Variants in IL20RB observed in about 807,000 individuals in gnomAD.
IL20RB encodes interleukin 20 receptor subunit beta.
In IL20RB, 21 loss-of-function variants were observed where a neutral mutation model predicts 33.3. The observed-to-expected ratio is 0.63, with a 90% confidence interval of 0.45 to 0.91. The LOEUF (loss-of-function observed/expected upper bound fraction) is 0.91. Ranked by LOEUF, IL20RB falls within the 40% of genes least tolerant of loss-of-function variation. The pLI is 0.00. For synonymous variants in IL20RB, 147 were observed against 146.8 expected (o/e 1.00, Z -0.01); for missense variants, 345 against 384.8 (o/e 0.90, Z 0.86).
At chr3:136,982,694 T>TC (rs3054124) in intron 3 of IL20RB, among the ~76,000 whole-genome samples, 88,740 of 151,590 alleles carry the variant, frequency 0.59, 26,565 homozygotes, top group East Asian at 0.9. Flanking sequence ...CCTCCATAAA[T>TC]TGTGCCTCCC....
At chr3:136,980,441 G>C (rs1288147479) in intron 1 of IL20RB, 25 bp from the exon 2 acceptor site, 1 of 1,614,048 alleles carries the variant, frequency 6.2e-7, no homozygotes, top group African/African-American at 1.3e-5. Context: ...CCACCTGTCA[G>C]CCAGGCTATC....
intron 1 of IL20RB, among the ~76,000 whole-genome samples, chr3:136,969,686 C>A (rs976095091): frequency 6.6e-6 from 1 of 152,192 alleles, no homozygotes; most frequent in Non-Finnish European, 1.5e-5. Flanking sequence ...AGCTGTAGAC[C>A]GGAGCTGTTC....
chr3:137,010,555 A>G lies in IL20RB; in HGVS notation c.*332A>G, dbSNP rs1933069647. ...ACACCTGCTAAACACACACACACAG[A>G]GTCTCTCTCTATATATACACACGTA... On this transcript the variant is annotated 3_prime_UTR_variant, in exon 7 of 7. Coordinates refer to ENST00000329582, the MANE Select transcript of IL20RB (RefSeq NM_144717.4). 2 of 236,980 alleles carry G rather than the reference A, an allele frequency of 8.4e-6. No homozygotes were observed. Among genetic ancestry groups the G allele is most frequent in the South Asian group, 8.2e-5 (1 of 12,154 alleles). The allele number at this position is 236,980 out of a possible 1,614,324, so 14.7% of individuals were successfully genotyped here.
At chr3:136,975,347 T>C (rs1327718325) in intron 1 of IL20RB, among the ~76,000 whole-genome samples, 6 of 152,152 alleles carry the variant, frequency 3.9e-5, no homozygotes, top group Admixed American at 3.9e-4. Flanking sequence ...TTTATTTTTA[T>C]TTATTTTTTT....
At chr3:136,971,219 C>T (rs1217244670) in intron 1 of IL20RB, among the ~76,000 whole-genome samples, 1 of 152,096 alleles carries the variant, frequency 6.6e-6, no homozygotes, top group Non-Finnish European at 1.5e-5. Flanking sequence ...CAACCTCTGC[C>T]TCCCAGGTTC....
At chr3:136,979,648 ACTGTGT>A (rs1396793813) in intron 1 of IL20RB, among the ~76,000 whole-genome samples, 2 of 119,034 alleles carry the variant, frequency 1.7e-5, no homozygotes, top group South Asian at 2.5e-4. Context: ...CTCTGGGCAC[ACTGTGT>A]CTGGGTACAC....
intron 5 of IL20RB, among the ~76,000 whole-genome samples, chr3:136,994,494 A>C (rs752492154): frequency 6.6e-6 from 1 of 152,210 alleles, no homozygotes; most frequent in Non-Finnish European, 1.5e-5. Flanking sequence ...CATACCACCA[A>C]AATATTTTCC....
At position 137,000,144 on chromosome 3, in the gene IL20RB, GT is replaced by G. The variant is rs535557172; in HGVS notation, c.825+4591del. ...CCTCTGAAAACTATTGATTTTTTTTGTTTGTTTATTTGCTTTAGTAAGCAGT... is the reference window on the plus strand; with the variant it reads ...CCTCTGAAAACTATTGATTTTTTTTGTTGTTTATTTGCTTTAGTAAGCAGT... On this transcript the variant is annotated intron_variant, in intron 6 of 6. Transcript: ENST00000329582. 1.5e-3 allele frequency among the ~76,000 whole-genome samples: 225 copies of G among 152,026 alleles called. 1 individual carries two copies. The highest frequency in any genetic ancestry group is 5.3e-3 in the African/African-American group (221 of 41,494).
At chr3:136,987,825 G>A (rs1941944753) in intron 3 of IL20RB, among the ~76,000 whole-genome samples, 1 of 152,212 alleles carries the variant, frequency 6.6e-6, no homozygotes, top group Non-Finnish European at 1.5e-5. Flanking sequence ...GCAGCCGCTG[G>A]CCCGGGTGCT....
rs1185248767 is a variant in IL20RB, at chr3:136,980,597, GT to G, written c.215+11del. 2 of 1,614,110 alleles carry G rather than the reference GT, an allele frequency of 1.2e-6. No individual in the cohort carries two copies. The highest frequency in any genetic ancestry group is 8.5e-7 in the Non-Finnish European group (1 of 1,180,002). On this transcript the variant is annotated splice_donor_region_variant and intron_variant, in intron 2 of 6. Coordinates refer to ENST00000329582, the MANE Select transcript of IL20RB (RefSeq NM_144717.4). ...CTATTCTGTCGAATACCAGGGGTGA[GT>G]TTTTTCTTTTAATAGTTCTTCTCCC...
Position 136,967,428 on chromosome 3 carries a change from T to C in IL20RB, c.88+9227T>C, listed in dbSNP as rs1461421612. Among the ~76,000 whole-genome samples, 5 of 56,364 alleles carry C rather than the reference T, an allele frequency of 8.9e-5. No individual in the cohort carries two copies. The East Asian group carries it at 2.8e-3, about 31-fold the overall frequency. 37.0% of individuals were successfully genotyped at this position (56,364 alleles called of 152,430 possible). A position where few individuals can be genotyped will look rare whatever the true frequency, so the allele number is the denominator to read the frequency against. ...AGGATAGTTAGCTCCTCTTGTTGAA[T>C]TGATCCCTTTACCATTATGTAATGG... On this transcript the variant is annotated intron_variant, in intron 1 of 6. Coordinates refer to ENST00000329582, the MANE Select transcript of IL20RB (RefSeq NM_144717.4).
Position 136,958,893 on chromosome 3 carries a change from A to G in IL20RB, c.88+692A>G, listed in dbSNP as rs111388242. 2.9e-3 allele frequency among the ~76,000 whole-genome samples: 432 copies of G among 151,500 alleles called. 2 individuals carry two copies. The highest frequency in any genetic ancestry group is 5.2e-3 in the Non-Finnish European group (351 of 67,922). ...AGACACTAGGCACTTTGCAGTGTTGATGGGAGCCTTGAGTACTTTCTCTCT... is the reference window on the plus strand; with the variant it reads ...AGACACTAGGCACTTTGCAGTGTTGGTGGGAGCCTTGAGTACTTTCTCTCT... On this transcript the variant is annotated intron_variant, in intron 1 of 6. Coordinates refer to ENST00000329582, the MANE Select transcript of IL20RB (RefSeq NM_144717.4).
intron 3 of IL20RB, among the ~76,000 whole-genome samples, chr3:136,983,232 C>T (rs577940627): frequency 6.6e-6 from 1 of 152,200 alleles, no homozygotes; most frequent in East Asian, 1.9e-4. Context: ...GGACTACAGG[C>T]GTGCACCACC....
chr3:136,958,497 T>C (rs6762370), intron 1 of IL20RB, among the ~76,000 whole-genome samples: 1,953 of 152,356 alleles, frequency 0.013, 33 homozygotes, highest in African/African-American at 0.044. Flanking sequence ...TCTGGTTTTA[T>C]ATAGTGCAAT....
intron 1 of IL20RB, among the ~76,000 whole-genome samples, chr3:136,975,887 G>A (rs1941605796): frequency 6.6e-6 from 1 of 152,202 alleles, no homozygotes; most frequent in Non-Finnish European, 1.5e-5. Context: ...CACATGGCTT[G>A]CTTGGATGCT....
At chr3:136,963,611 G>A (rs1040894700) in intron 1 of IL20RB, among the ~76,000 whole-genome samples, 48 of 150,344 alleles carry the variant, frequency 3.2e-4, no homozygotes, top group African/African-American at 1.2e-3. Context: ...CCTATTTTTA[G>A]ATTGGATTGT....
At position 136,992,183 on chromosome 3, in the gene IL20RB, T is replaced by C. The variant is rs888378871; in HGVS notation, c.682+95T>C. The C allele has an allele frequency of 6.0e-6, 8 of 1,342,680 alleles. No individual in the cohort carries two copies. The Admixed American group carries it at 1.9e-4, about 32-fold the overall frequency. The allele number at this position is 1,342,680 out of a possible 1,614,324, so 83.2% of individuals were successfully genotyped here. On this transcript the variant is annotated intron_variant, in intron 5 of 6. Coordinates refer to ENST00000329582, the MANE Select transcript of IL20RB (RefSeq NM_144717.4). ...TGCTGGGTTCCTTTGGTTCTGAGTTTTTCCTTGATTTCACTGACCTCCCTC... is the reference window on the plus strand; with the variant it reads ...TGCTGGGTTCCTTTGGTTCTGAGTTCTTCCTTGATTTCACTGACCTCCCTC...
rs143982903 is a variant in IL20RB, at chr3:137,009,220, G to A, written c.826-893G>A. Among the ~76,000 whole-genome samples, 18 of 152,296 alleles carry A rather than the reference G, an allele frequency of 1.2e-4. No homozygotes were observed. The East Asian group carries it at 3.5e-3, about 29-fold the overall frequency. ...CATTGTGCCTATTTGTGCCCAGATG[G>A]TACCCTTGGGAGTGATGAGGAGAAG... On this transcript the variant is annotated intron_variant, in intron 6 of 6. Transcript: ENST00000329582.
intron 6 of IL20RB, 52 bp from the exon 7 acceptor site, chr3:137,010,059 AGT>A (rs1933046461): frequency 2.4e-6 from 2 of 820,342 alleles, no homozygotes; most frequent in Non-Finnish European, 4.2e-6. Flanking sequence ...AATATTCTTT[AGT>A]ATTACTACTA....
Sources: gnomAD v4.1 joint callset for allele counts (sites outside exome capture counted in the v4.1 genomes callset) on GRCh38, gnomAD v4.1.1 for gene constraint, MANE v1.5 for transcripts, NCBI Gene and HGNC (gene_info 2026-07-23, HGNC 2026-07-21) for gene names.